The following NFIB variants were observed in gnomAD, a reference collection of about 807,000 sequenced individuals.
The protein encoded by NFIB is nuclear factor 1 B-type.
In NFIB, 11 loss-of-function variants were observed where a neutral mutation model predicts 61.5. The observed-to-expected ratio is 0.18, with a 90% CI of 0.11 to 0.30. The LOEUF (loss-of-function observed/expected upper bound fraction) is 0.30, where lower values mean the gene tolerates loss of function less well. Among genes scored for constraint, NFIB ranks in the 10% least tolerant of loss-of-function variants. NFIB has a pLI of 1.00. For missense variants in NFIB, 471 were observed against 608.9 expected (o/e 0.77, Z 2.38); for synonymous variants, 260 against 216.5 (o/e 1.20, Z -1.76).
chr9:14,301,014 A>C (rs2059720866), intron 2 of NFIB, among the ~76,000 whole-genome samples: 1 of 152,214 alleles, frequency 6.6e-6, no homozygotes, highest in Admixed American at 6.5e-5. Flanking sequence ...CTAAATTCCA[A>C]ATTTAGGGAA....
At chr9:14,215,715 TG>T (rs1272750113) in intron 2 of NFIB, among the ~76,000 whole-genome samples, 2 of 152,206 alleles carry the variant, frequency 1.3e-5, no homozygotes, top group Non-Finnish European at 2.9e-5. Context: ...TAGCTTCCTA[TG>T]GTATGCATAA....
At chr9:14,160,831 C>CAAAAAAAAAAAAAAAAAAAAAACAAA (rs36063048) in intron 3 of NFIB, among the ~76,000 whole-genome samples, 1 of 96,328 alleles carries the variant, frequency 1.0e-5, no homozygotes, top group Non-Finnish European at 2.0e-5. Context: ...AAGGAAATCT[C>CAAAAAAAAAAAAAAAAAAAAAACAAA]AAAAAAAAAA....
intron 3 of NFIB, among the ~76,000 whole-genome samples, chr9:14,174,722 A>G (rs4449882): frequency 0.93 from 137,532 of 148,634 alleles, 64,570 homozygotes; most frequent in Non-Finnish European, 1. Context: ...AGCCGAGATC[A>G]CGCCACTGCA....
the NFIB span, among the ~76,000 whole-genome samples, chr9:14,471,120 A>C: frequency 3.9e-5 from 6 of 152,248 alleles, no homozygotes; most frequent in Admixed American, 6.5e-5. Context: ...GTTACTATTA[A>C]AAAATACTGT....
At chr9:14,095,176 T>C (rs952821357) in intron 10 of NFIB, among the ~76,000 whole-genome samples, 12 of 152,078 alleles carry the variant, frequency 7.9e-5, no homozygotes, top group Non-Finnish European at 1.5e-4. Context: ...GGTTTAAACA[T>C]AAATAAGAAA....
intron 1 of NFIB, among the ~76,000 whole-genome samples, chr9:14,333,501 C>T (rs1304504353): frequency 6.6e-6 from 1 of 152,134 alleles, no homozygotes; most frequent in Non-Finnish European, 1.5e-5. Context: ...CCCCACAACT[C>T]CCTAATGGGG....
intron 3 of NFIB, among the ~76,000 whole-genome samples, chr9:14,174,600 T>G (rs2131385918): frequency 6.6e-6 from 1 of 151,970 alleles, no homozygotes; most frequent in South Asian, 2.1e-4. Context: ...ACCCCATCTC[T>G]ACTAAAAATA....
chr9:14,452,786 G>A, the NFIB span, among the ~76,000 whole-genome samples: 1 of 152,176 alleles, frequency 6.6e-6, no homozygotes, highest in African/African-American at 2.4e-5. Flanking sequence ...CCTATGTGAA[G>A]ATCACTGTGC....
In NFIB at chr9:14,120,313, C is replaced by A. The variant is rs2038755406; in HGVS notation, c.1245+127G>T. 1.9e-6 allele frequency: 2 copies of A among 1,046,206 alleles called. No homozygotes were observed. The highest frequency in any genetic ancestry group is 1.5e-6 in the Non-Finnish European group (1 of 685,474). 64.8% of individuals were successfully genotyped at this position (1,046,206 alleles called of 1,614,324 possible). ...AAAAACTTATTGAGTCACCAAGCAA[C>A]TTCCTGAAGATGGATTTCAAGGCTT... On this transcript the variant is annotated intron_variant, in intron 8 of 10. Transcript: ENST00000380953. This position sits in a 1 kb window ranked among gnomAD's most constrained non-coding sequence, Gnocchi z 4.4.
At chr9:14,347,143 T>G (rs1171269043) in intron 1 of NFIB, among the ~76,000 whole-genome samples, 24 of 125,796 alleles carry the variant, frequency 1.9e-4, no homozygotes, top group South Asian at 2.8e-4. Context: ...TTGGGAAGGG[T>G]GGGATCTTAA....
intron 2 of NFIB, among the ~76,000 whole-genome samples, chr9:14,233,645 G>C (rs2053440363): frequency 6.6e-6 from 1 of 152,040 alleles, no homozygotes; most frequent in African/African-American, 2.4e-5. Context: ...GGCCAGGCTG[G>C]TCTCAAACTC....
rs1044246485 is a variant in NFIB, at chr9:14,302,678, G to A, written c.562+4311C>T. Among the ~76,000 whole-genome samples, 8 of 152,124 alleles carry A rather than the reference G, an allele frequency of 5.3e-5. No individual in the cohort carries two copies. In the South Asian group the frequency reaches 1.7e-3, roughly 32 times the overall value. ...TTGAGATCTTTAAATGTCTTGGTGT[G>A]TTGTGACCTCTCTCTTCAAAACGCT... On this transcript the variant is annotated intron_variant, in intron 2 of 10. Coordinates refer to ENST00000380953, the MANE Select transcript of NFIB (RefSeq NM_001190737.2).
At chr9:14,412,681 A>G in the NFIB span, among the ~76,000 whole-genome samples, 43 of 152,056 alleles carry the variant, frequency 2.8e-4, no homozygotes, top group Admixed American at 2.4e-3. Context: ...TCTCAGGGAG[A>G]AGGAAGGATT....
At chr9:14,321,806 T>G in intron 1 of NFIB, 4 of 1,066,210 alleles carry the variant, frequency 3.8e-6, no homozygotes, top group Non-Finnish European at 3.6e-6. Flanking sequence ...AAAACAAAAA[T>G]GACATTTAGG....
At chr9:14,406,016 T>C in the NFIB span, among the ~76,000 whole-genome samples, 4 of 152,238 alleles carry the variant, frequency 2.6e-5, no homozygotes, top group African/African-American at 9.6e-5. Context: ...AGCATACCTT[T>C]GATTATTAAA....
At chr9:14,132,631 A>G (rs1227008868) in intron 6 of NFIB, among the ~76,000 whole-genome samples, 1 of 151,938 alleles carries the variant, frequency 6.6e-6, no homozygotes, top group Non-Finnish European at 1.5e-5. Flanking sequence ...GCAGTGGCAC[A>G]ATCATGGCTC....
chr9:14,364,858 A>C (rs2061281722), intron 1 of NFIB, among the ~76,000 whole-genome samples: 1 of 152,216 alleles, frequency 6.6e-6, no homozygotes, highest in African/African-American at 2.4e-5. Flanking sequence ...ATAAAGCCTC[A>C]GGGTTGCTTC....
intron 3 of NFIB, among the ~76,000 whole-genome samples, chr9:14,179,142 A>T (rs1243398929): frequency 6.6e-6 from 1 of 152,150 alleles, no homozygotes; most frequent in Non-Finnish European, 1.5e-5. Flanking sequence ...CAAGTTATAA[A>T]AGCCCATTTT....
chr9:14,152,800 G>C (rs2043004922), intron 4 of NFIB, among the ~76,000 whole-genome samples: 1 of 151,604 alleles, frequency 6.6e-6, no homozygotes, highest in Non-Finnish European at 1.5e-5. Flanking sequence ...GACAAATATA[G>C]CATGTTCTCA....
Sources: allele counts gnomAD v4.1 joint callset (sites outside exome capture counted in the v4.1 genomes callset), GRCh38; gene constraint gnomAD v4.1.1; non-coding constraint Gnocchi (gnomAD v3.1); transcripts MANE v1.5; gene names NCBI Gene and HGNC (gene_info 2026-07-23, HGNC 2026-07-21).